Variants in RERE observed in about 807,000 individuals in gnomAD.
The protein encoded by RERE is arginine-glutamic acid dipeptide repeats protein.
In RERE, 40 loss-of-function variants were observed where a neutral mutation model predicts 146.1. The ratio of observed to expected loss-of-function variants is 0.27; its 90% confidence interval spans 0.21 to 0.36. The LOEUF is 0.36. Ranked by LOEUF, RERE falls within the 10% of genes least tolerant of loss-of-function variation. The probability of loss-of-function intolerance (pLI) is 1.00; values close to 1 mark genes in which losing one functional copy is unlikely to be tolerated. For synonymous variants in RERE, 1,003 were observed against 866.0 expected (o/e 1.16, Z -2.78); for missense variants, 1,933 against 2,138.7 (o/e 0.90, Z 1.90).
chr1:8,467,934 G>A (rs771735010), intron 10 of RERE, among the ~76,000 whole-genome samples: 14 of 152,160 alleles, frequency 9.2e-5, no homozygotes, highest in Admixed American at 3.3e-4. Context: ...ATGAGCCACC[G>A]CACCCGGCCC....
intron 1 of RERE, among the ~76,000 whole-genome samples, chr1:8,707,683 C>T (rs992292083): frequency 9.8e-5 from 15 of 152,300 alleles, no homozygotes; most frequent in African/African-American, 3.6e-4. Flanking sequence ...ATTTAGCTCA[C>T]CCATGTCAAA....
At position 8,372,507 on chromosome 1, in the gene RERE, CGT is replaced by C. The variant is rs6143111; in HGVS notation, c.1285-6535_1285-6534del. On this transcript the variant is annotated intron_variant, in intron 12 of 22. Coordinates refer to ENST00000400908, the MANE Select transcript of RERE (RefSeq NM_001042681.2). ...TGCAGCCTGCCACCTACCATCAGGT[CGT>C]GTGTGTGTGTGTGTGTGTGTGTGTG... Among the ~76,000 whole-genome samples, 1,091 of 131,706 alleles carry C rather than the reference CGT, an allele frequency of 8.3e-3. 9 individuals carry two copies. Among genetic ancestry groups the C allele is most frequent in the African/African-American group, 0.022 (770 of 35,408 alleles). The allele number at this position is 131,706 out of a possible 152,430, so 86.4% of individuals were successfully genotyped here.
chr1:8,533,388 C>T (rs1384694333), intron 7 of RERE, among the ~76,000 whole-genome samples: 1 of 152,156 alleles, frequency 6.6e-6, no homozygotes, highest in Non-Finnish European at 1.5e-5. Context: ...TGCTGTTTGT[C>T]TCATCTGACC....
chr1:8,802,073 GAGT>G (rs1296248539), intron 1 of RERE, among the ~76,000 whole-genome samples: 1 of 152,196 alleles, frequency 6.6e-6, no homozygotes, highest in East Asian at 1.9e-4. Context: ...TGATTACAAT[GAGT>G]ATATATTAAT....
intron 1 of RERE, among the ~76,000 whole-genome samples, chr1:8,747,757 GT>G (rs1182887131): frequency 6.6e-6 from 1 of 151,878 alleles, no homozygotes; most frequent in African/African-American, 2.4e-5. Context: ...TAGCCTAGTT[GT>G]TACTAAAGAT....
intron 6 of RERE, among the ~76,000 whole-genome samples, chr1:8,542,344 G>A (rs557625286): frequency 1.3e-5 from 2 of 152,246 alleles, no homozygotes; most frequent in Non-Finnish European, 2.9e-5. Context: ...GCTTGAGCAG[G>A]CTATCTGTTG....
chr1:8,675,241 TATG>T (rs1032726066), intron 1 of RERE, among the ~76,000 whole-genome samples: 45 of 152,306 alleles, frequency 3.0e-4, no homozygotes, highest in African/African-American at 9.1e-4. Flanking sequence ...ATCAGCTGGT[TATG>T]ATATGTGCTG....
intron 10 of RERE, among the ~76,000 whole-genome samples, chr1:8,490,091 A>G (rs1570325805): frequency 6.6e-6 from 1 of 150,780 alleles, no homozygotes; most frequent in Non-Finnish European, 1.5e-5. Context: ...GAACAGGCGC[A>G]GTGGCTCACG....
At chr1:8,778,075 C>G (rs897424868) in intron 1 of RERE, among the ~76,000 whole-genome samples, 1 of 152,108 alleles carries the variant, frequency 6.6e-6, no homozygotes, top group South Asian at 2.1e-4. Flanking sequence ...CTCAATCATT[C>G]CTTTTCTCCA....
intron 1 of RERE, among the ~76,000 whole-genome samples, chr1:8,731,776 GTTTT>G (rs78465959): frequency 6.8e-6 from 1 of 146,700 alleles, no homozygotes; most frequent in Non-Finnish European, 1.5e-5. Context: ...TAAACATAAT[GTTTT>G]TTTGTTTGTT....
At chr1:8,745,221 A>C (rs980831791) in intron 1 of RERE, among the ~76,000 whole-genome samples, 5 of 152,154 alleles carry the variant, frequency 3.3e-5, no homozygotes, top group Non-Finnish European at 7.4e-5. Flanking sequence ...TGAGGGATTT[A>C]TAAGGGGCTC....
chr1:8,428,730 A>G (rs2124479829), intron 11 of RERE: 1 of 152,350 alleles, frequency 6.6e-6, no homozygotes, highest in East Asian at 1.9e-4. Flanking sequence ...ATGTTCCAAA[A>G]AGGAAATTCT....
intron 12 of RERE, among the ~76,000 whole-genome samples, chr1:8,399,337 G>T (rs924426104): frequency 3.3e-5 from 5 of 152,024 alleles, no homozygotes; most frequent in Admixed American, 3.3e-4. Context: ...CAGTTTTAAA[G>T]TCTTGTTTTT....
At chr1:8,374,813 G>A (rs1161150141) in intron 12 of RERE, among the ~76,000 whole-genome samples, 1 of 152,102 alleles carries the variant, frequency 6.6e-6, no homozygotes, top group Non-Finnish European at 1.5e-5. Context: ...CAAACACAAT[G>A]GCCAGTTTTC....
intron 1 of RERE, among the ~76,000 whole-genome samples, chr1:8,784,902 A>C (rs1449837437): frequency 6.6e-6 from 1 of 152,182 alleles, no homozygotes; most frequent in African/African-American, 2.4e-5. Flanking sequence ...AACCTTGCAC[A>C]CTAAAAGGTG....
chr1:8,545,052 C>A (rs141955153), intron 6 of RERE, among the ~76,000 whole-genome samples: 1 of 152,182 alleles, frequency 6.6e-6, no homozygotes, highest in Non-Finnish European at 1.5e-5. Flanking sequence ...GCACTCTTCT[C>A]ACCATGATCT....
In RERE at chr1:8,446,247, C is replaced by G. The variant is rs965933860; in HGVS notation, c.1203+19678G>C. On this transcript the variant is annotated intron_variant, in intron 11 of 22. Coordinates refer to ENST00000400908, the MANE Select transcript of RERE (RefSeq NM_001042681.2). Reference sequence around the variant, plus strand: ...AGATCCGCTGATAGTCTGATATGGGCTTCCCTTTGTGGGTAACCCGACCTT... The same window carrying G: ...AGATCCGCTGATAGTCTGATATGGGGTTCCCTTTGTGGGTAACCCGACCTT... Among the ~76,000 whole-genome samples, 8 of 152,180 alleles carry G rather than the reference C, an allele frequency of 5.3e-5. 1 individual carries two copies. The highest frequency in any genetic ancestry group is 7.3e-5 in the Non-Finnish European group (5 of 68,038).
chr1:8,550,610 G>C (rs1481878356), intron 6 of RERE, among the ~76,000 whole-genome samples: 1 of 152,042 alleles, frequency 6.6e-6, no homozygotes, highest in Non-Finnish European at 1.5e-5. Flanking sequence ...GCAGTGGCAC[G>C]ATCTTGGCTC....
intron 7 of RERE, among the ~76,000 whole-genome samples, chr1:8,526,486 GA>G (rs1347568186): frequency 6.6e-6 from 1 of 152,080 alleles, no homozygotes; most frequent in African/African-American, 2.4e-5. Context: ...TAAACATTTT[GA>G]AAAAGACCAA....
Sources: allele counts gnomAD v4.1 joint callset (sites outside exome capture counted in the v4.1 genomes callset), GRCh38; gene constraint gnomAD v4.1.1; transcripts MANE v1.5; gene names NCBI Gene and HGNC (gene_info 2026-07-23, HGNC 2026-07-21).